The following TF variants were observed in gnomAD, a reference collection of about 807,000 sequenced individuals.
TF encodes the protein serotransferrin.
A neutral mutation model predicts 82.4 loss-of-function variants in TF; 55 were observed. That is an observed-to-expected ratio of 0.67 (90% CI 0.54 to 0.84). The LOEUF (loss-of-function observed/expected upper bound fraction) is 0.84, where lower values mean the gene tolerates loss of function less well. Ranked by LOEUF, TF falls within the 40% of genes least tolerant of loss-of-function variation. The pLI is 0.00. For synonymous variants in TF, 332 were observed against 332.6 expected (o/e 1.00, Z 0.02); for missense variants, 737 against 868.4 (o/e 0.85, Z 1.90).
At chr3:133,725,591 G>A in the TF span, among the ~76,000 whole-genome samples, 124 of 152,056 alleles carry the variant, frequency 8.2e-4, no homozygotes, top group African/African-American at 2.8e-3. Flanking sequence ...ATACAATCAT[G>A]TCATCTGCAA....
rs919789510 is a variant in TF, at chr3:133,788,080, C to G, written c.*9460C>G. 1.3e-5 allele frequency: 2 copies of G among 152,170 alleles called. No homozygotes were observed. The highest frequency in any genetic ancestry group is 1.3e-4 in the Admixed American group (2 of 15,282). The allele number at this position is 152,170 out of a possible 1,614,324, so 9.4% of individuals were successfully genotyped here. On this transcript the variant is annotated 3_prime_UTR_variant, in exon 17 of 17. Coordinates refer to ENST00000402696, the MANE Select transcript of TF (RefSeq NM_001063.4). ...AGATAAACCATGTGTGTAGTTTATTCAACCCTACTGATGCAAGAGAATAGG... is the reference window on the plus strand; with the variant it reads ...AGATAAACCATGTGTGTAGTTTATTGAACCCTACTGATGCAAGAGAATAGG...
At chr3:133,755,807 C>G (rs1293896565) in intron 5 of TF, 2 of 482,354 alleles carry the variant, frequency 4.1e-6, no homozygotes, top group African/African-American at 3.9e-5. Flanking sequence ...CCTCTAGTGT[C>G]TGGGCCCACT....
At chr3:133,699,268 C>T in the TF span, among the ~76,000 whole-genome samples, 2 of 152,234 alleles carry the variant, frequency 1.3e-5, no homozygotes, top group Non-Finnish European at 2.9e-5. Flanking sequence ...AGATTGTGAA[C>T]CAGCTGTTTC....
the TF span, among the ~76,000 whole-genome samples, chr3:133,716,138 C>T: frequency 6.6e-6 from 1 of 152,126 alleles, no homozygotes; most frequent in African/African-American, 2.4e-5. Context: ...GCTGGCATGA[C>T]TCAGGGCTCT....
In TF at chr3:133,781,709, C is replaced by T. The variant is rs1934519460; in HGVS notation, c.*3089C>T. The T allele has an allele frequency of 6.6e-6, 1 of 152,084 alleles. No individual in the cohort carries two copies. The highest frequency in any genetic ancestry group is 1.5e-5 in the Non-Finnish European group (1 of 68,026). 9.4% of individuals were successfully genotyped at this position (152,084 alleles called of 1,614,324 possible). The stretch of plus-strand genomic sequence containing the variant: ...GATGAGAGTGGAAGAGCTCTTCCAG[C>T]TGTTAAAATGTAATGATAAGCTCCT... On this transcript the variant is annotated 3_prime_UTR_variant, in exon 17 of 17. Transcript: ENST00000402696.
the TF span, among the ~76,000 whole-genome samples, chr3:133,705,602 C>T: frequency 2.6e-5 from 4 of 152,174 alleles, no homozygotes; most frequent in African/African-American, 9.7e-5. Context: ...CTTGCAGAAC[C>T]TTAACCCACT....
At chr3:133,736,630 C>CAAAAAAAAAAAAA in the TF span, among the ~76,000 whole-genome samples, 1 of 12,568 alleles carries the variant, frequency 8.0e-5, no homozygotes, top group African/African-American at 5.1e-4. Flanking sequence ...AAATGGAAAG[C>CAAAAAAAAAAAAA]CAAAAAAAAA....
the TF span, among the ~76,000 whole-genome samples, chr3:133,722,954 G>C: frequency 6.6e-6 from 1 of 152,144 alleles, no homozygotes; most frequent in East Asian, 1.9e-4. Context: ...TTCTTGTAAG[G>C]CTGGTCTTAG....
chr3:133,783,032 C>T lies in TF; in HGVS notation c.*4412C>T, dbSNP rs1934556485. On this transcript the variant is annotated 3_prime_UTR_variant, in exon 17 of 17. Transcript: ENST00000402696. ...GACCCCGTCTCAAACAAAACAAAAC[C>T]AAGTAGCAGATATGCATGATGAACA... 6.6e-6 allele frequency: 1 copy of T among 151,928 alleles called. No homozygotes were observed. The highest frequency in any genetic ancestry group is 2.4e-5 in the African/African-American group (1 of 41,376). The allele number at this position is 151,928 out of a possible 1,614,324, so 9.4% of individuals were successfully genotyped here.
chr3:133,665,616 G>C, the TF span, among the ~76,000 whole-genome samples: 5 of 151,954 alleles, frequency 3.3e-5, no homozygotes, highest in Non-Finnish European at 5.9e-5. Context: ...GACCCTGCTT[G>C]GGGTGACATT....
the TF span, among the ~76,000 whole-genome samples, chr3:133,683,252 C>A: frequency 2.0e-5 from 3 of 152,112 alleles, no homozygotes; most frequent in African/African-American, 7.2e-5. Flanking sequence ...CAAAAACATG[C>A]CAAATTGTAA....
rs1394574560 is a variant in TF, at chr3:133,775,367, T to A, written c.1688-66T>A. Reference sequence around the variant, plus strand: ...GGTTCTCTACACACCACTGAGTCAGTTCCATCTCCCCAGCGGGGCACCTTG... The same window carrying A: ...GGTTCTCTACACACCACTGAGTCAGATCCATCTCCCCAGCGGGGCACCTTG... On this transcript the variant is annotated intron_variant, in intron 14 of 16. Coordinates refer to ENST00000402696, the MANE Select transcript of TF (RefSeq NM_001063.4). 6.4e-6 allele frequency: 10 copies of A among 1,554,562 alleles called. No homozygotes were observed. In the African/African-American group the frequency reaches 1.2e-4, roughly 19 times the overall value.
At chr3:133,706,089 G>A in the TF span, among the ~76,000 whole-genome samples, 2 of 152,172 alleles carry the variant, frequency 1.3e-5, no homozygotes, top group Admixed American at 1.3e-4. Flanking sequence ...GCCAGGAGGC[G>A]GCTGCACCTG....
chr3:133,770,790 A>G (rs1934240465), intron 14 of TF: 1 of 605,046 alleles, frequency 1.7e-6, no homozygotes, highest in East Asian at 2.8e-5. Context: ...CCTCCCCAAC[A>G]CACACTCCCA....
chr3:133,672,085 T>C, the TF span, among the ~76,000 whole-genome samples: 1 of 152,216 alleles, frequency 6.6e-6, no homozygotes, highest in Non-Finnish European at 1.5e-5. Context: ...AGATCATGAA[T>C]GATTTTATAT....
the TF span, among the ~76,000 whole-genome samples, chr3:133,707,197 CA>C: frequency 6.6e-6 from 1 of 151,074 alleles, no homozygotes; most frequent in Non-Finnish European, 1.5e-5. Context: ...GAGTCACACA[CA>C]CACACACACA....
the TF span, among the ~76,000 whole-genome samples, chr3:133,665,362 G>T: frequency 6.6e-6 from 1 of 151,652 alleles, no homozygotes; most frequent in Non-Finnish European, 1.5e-5. Flanking sequence ...AGCTACTCAG[G>T]AGGCTGAGGT....
chr3:133,705,610 A>G, the TF span, among the ~76,000 whole-genome samples: 1 of 152,214 alleles, frequency 6.6e-6, no homozygotes, highest in Admixed American at 6.5e-5. Flanking sequence ...ACCTTAACCC[A>G]CTGATACCCA....
chr3:133,703,762 C>T, the TF span, among the ~76,000 whole-genome samples: 1 of 152,110 alleles, frequency 6.6e-6, no homozygotes, highest in African/African-American at 2.4e-5. Flanking sequence ...AGTGTATTAT[C>T]TAGAGAAATG....
Sources: allele counts gnomAD v4.1 joint callset (sites outside exome capture counted in the v4.1 genomes callset), GRCh38; gene constraint gnomAD v4.1.1; transcripts MANE v1.5; gene names NCBI Gene and HGNC (gene_info 2026-07-23, HGNC 2026-07-21).